The following CYP4V2 variants were observed in gnomAD, a reference collection of about 807,000 sequenced individuals.
CYP4V2 encodes cytochrome P450 family 4 subfamily V member 2.
A neutral mutation model predicts 60.8 loss-of-function variants in CYP4V2; 55 were observed. The ratio of observed to expected loss-of-function variants is 0.90; its 90% CI spans 0.73 to 1.13. The LOEUF (loss-of-function observed/expected upper bound fraction) is 1.13, where lower values mean the gene tolerates loss of function less well. CYP4V2 is among the 50% of genes most tolerant of loss of function. CYP4V2 has a pLI of 0.00. For missense variants in CYP4V2, 675 were observed against 662.9 expected (o/e 1.02, Z -0.20); for synonymous variants, 239 against 236.8 (o/e 1.01, Z -0.08).
chr4:186,196,379 A>G (rs1736147203), intron 3 of CYP4V2: 1 of 447,190 alleles, frequency 2.2e-6, no homozygotes, highest in Non-Finnish European at 4.1e-6. Context: ...GATGGAGGAC[A>G]CAGTAAAGCA....
Position 186,191,767 on chromosome 4 carries a change from A to G in CYP4V2, c.-57A>G. On this transcript the variant is annotated 5_prime_UTR_variant, in exon 1 of 11. Transcript: ENST00000378802. ...TGTGCGGCCGGCACCGCCTCGCACC[A>G]CGCCCCCGCGGGCCCGCACTTTCCC... 7.2e-7 allele frequency: 1 copy of G among 1,393,140 alleles called. No homozygotes were observed. The allele number at this position is 1,393,140 out of a possible 1,614,324, so 86.3% of individuals were successfully genotyped here.
rs1736706360 is a variant in CYP4V2, at chr4:186,211,129, A to AG, written c.*488_*489insG. 6.3e-6 allele frequency: 1 copy of AG among 158,390 alleles called. No individual in the cohort carries two copies. The highest frequency in any genetic ancestry group is 2.4e-5 in the African/African-American group (1 of 41,438). The allele number at this position is 158,390 out of a possible 1,614,324, so 9.8% of individuals were successfully genotyped here. ...GCTGGGATTATAGTCGTGAGCCACCACGCCTGGCCAGAGTTTTTTATTTTT... is the reference window on the plus strand; with the variant it reads ...GCTGGGATTATAGTCGTGAGCCACCAGCGCCTGGCCAGAGTTTTTTATTTTT... On this transcript the variant is annotated 3_prime_UTR_variant, in exon 11 of 11. Coordinates refer to ENST00000378802, the MANE Select transcript of CYP4V2 (RefSeq NM_207352.4).
chr4:186,209,693 C>T (rs1579977484), intron 10 of CYP4V2, among the ~76,000 whole-genome samples: 2 of 152,272 alleles, frequency 1.3e-5, no homozygotes, highest in Middle Eastern at 6.8e-3. Context: ...AGTCAGACTA[C>T]ACTAGGGCCT....
In CYP4V2 at chr4:186,197,603, G is replaced by A. The variant is rs1420000727; in HGVS notation, c.674+1G>A. On this transcript the variant is annotated splice_donor_variant, in intron 5 of 10. Coordinates refer to ENST00000378802, the MANE Select transcript of CYP4V2 (RefSeq NM_207352.4). LOFTEE classifies it high-confidence loss of function. ...CCGAGTATGTCCGTGCAGTTTATAG[G>A]TAAATGGAGTCCTTTCAGTTATTTT... is the stretch of plus-strand genomic sequence containing the variant. The A allele has an allele frequency of 1.2e-6, 2 of 1,613,898 alleles. No homozygotes were observed. Among genetic ancestry groups the A allele is most frequent in the East Asian group, 4.5e-5 (2 of 44,884 alleles).
rs1197806318 is a variant in CYP4V2, at chr4:186,191,659, C to A, written c.-165C>A. ...AGCCCCGTGGCGCCCTCTCTGGCCG[C>A]CGCCCGGGCGGGAAACGTCGTTCCG... On this transcript the variant is annotated 5_prime_UTR_variant, in exon 1 of 11. Transcript: ENST00000378802. 24 of 581,220 alleles carry A rather than the reference C, an allele frequency of 4.1e-5. No individual in the cohort carries two copies. The allele number at this position is 581,220 out of a possible 1,614,324, so 36.0% of individuals were successfully genotyped here. A position where few individuals can be genotyped will look rare whatever the true frequency, so the allele number is the denominator to read the frequency against.
Position 186,205,397 on chromosome 4 carries a change from CCCCCACGGGATCCTTT to C in CYP4V2, c.1090+98_1090+113del. Reference sequence around the variant, plus strand: ...ACACAGTGTAATGAGCAGGAAGGCTCCCCCACGGGATCCTTTCCAGTACCATCCCCTTTGCAAGGCC... The same window carrying C: ...ACACAGTGTAATGAGCAGGAAGGCTCCCAGTACCATCCCCTTTGCAAGGCC... On this transcript the variant is annotated intron_variant, in intron 8 of 10. Transcript: ENST00000378802. 8.7e-6 allele frequency: 4 copies of C among 458,356 alleles called. No individual in the cohort carries two copies. In the South Asian group the frequency reaches 2.4e-4, roughly 27 times the overall value. The allele number at this position is 458,356 out of a possible 1,614,324, so 28.4% of individuals were successfully genotyped here.
At chr4:186,196,709 T>G in intron 3 of CYP4V2, 2 of 529,894 alleles carry the variant, frequency 3.8e-6, no homozygotes, top group African/African-American at 1.9e-5. Flanking sequence ...TAAACATGTA[T>G]AGAACAATGT....
rs1419119001 is a variant in CYP4V2, at chr4:186,191,820, G to C, written c.-4G>C. The stretch of plus-strand genomic sequence containing the variant: ...AGTGCACCCCGCGGCCGCCAGCCGG[G>C]GCGATGGCGGGGCTCTGGCTGGGGC... On this transcript the variant is annotated 5_prime_UTR_variant, in exon 1 of 11. Transcript: ENST00000378802. 1.3e-6 allele frequency: 2 copies of C among 1,552,650 alleles called. No homozygotes were observed. Among genetic ancestry groups the C allele is most frequent in the South Asian group, 2.4e-5 (2 of 84,940 alleles).
intron 8 of CYP4V2, among the ~76,000 whole-genome samples, chr4:186,208,119 C>G (rs1305406431): frequency 6.6e-6 from 1 of 151,340 alleles, no homozygotes; most frequent in Non-Finnish European, 1.5e-5. Flanking sequence ...ACGTGTTCTT[C>G]TTTGAAGGGT....
chr4:186,192,538 T>C (rs542030740), intron 1 of CYP4V2, among the ~76,000 whole-genome samples: 57 of 152,314 alleles, frequency 3.7e-4, no homozygotes, highest in African/African-American at 1.3e-3. Context: ...CTTCATACTT[T>C]AGCCCTTTAA....
At chr4:186,197,303 G>A (rs1247612756) in intron 4 of CYP4V2, 173 bp downstream of exon 4, 11 of 909,382 alleles carry the variant, frequency 1.2e-5, no homozygotes, top group Non-Finnish European at 1.7e-5. Flanking sequence ...GCCCAGGGCT[G>A]TGAGTGGGGC....
At position 186,213,113 on chromosome 4, in the gene CYP4V2, A is replaced by G. The variant is rs922811502; in HGVS notation, c.*2472A>G. On this transcript the variant is annotated 3_prime_UTR_variant, in exon 11 of 11. Coordinates refer to ENST00000378802, the MANE Select transcript of CYP4V2 (RefSeq NM_207352.4). ...TTAAAGTAAAACATTGTTTAATGTT[A>G]CCTTTTGGCTTGAGAATGTCTTTCA... The G allele has an allele frequency of 1.3e-5, 2 of 152,156 alleles. No individual in the cohort carries two copies. The highest frequency in any genetic ancestry group is 2.9e-5 in the Non-Finnish European group (2 of 68,036). The allele number at this position is 152,156 out of a possible 1,614,324, so 9.4% of individuals were successfully genotyped here.
rs149432349 is a variant in CYP4V2, at chr4:186,212,168, A to G, written c.*1527A>G. The G allele has an allele frequency of 1.4e-4, 21 of 152,322 alleles. No individual in the cohort carries two copies. The highest frequency in any genetic ancestry group is 5.1e-4 in the African/African-American group (21 of 41,570). The allele number at this position is 152,322 out of a possible 1,614,324, so 9.4% of individuals were successfully genotyped here. A position where few individuals can be genotyped will look rare whatever the true frequency, so the allele number is the denominator to read the frequency against. ...TATACCCTTAAATCTCTCCACTCAC[A>G]TGCTGATATACTTTCTACTACAATA... On this transcript the variant is annotated 3_prime_UTR_variant, in exon 11 of 11. Transcript: ENST00000378802.
At chr4:186,197,710 A>T in intron 5 of CYP4V2, 108 bp downstream of exon 5, 1 of 1,185,258 alleles carries the variant, frequency 8.4e-7, no homozygotes, top group Admixed American at 1.9e-5. Flanking sequence ...AAAATTAAAC[A>T]TTAAACTAGA....
At chr4:186,205,026 C>CAG (rs1333593596) in intron 7 of CYP4V2, 174 bp from the exon 8 acceptor site, 1 of 689,710 alleles carries the variant, frequency 1.4e-6, no homozygotes, top group African/African-American at 1.8e-5. Flanking sequence ...CTCCGCTTTG[C>CAG]AGGCTTGTTT....
In CYP4V2 at chr4:186,210,843, T is replaced by A. The variant is rs1051753464; in HGVS notation, c.*202T>A. 2.0e-5 allele frequency: 13 copies of A among 639,574 alleles called. No homozygotes were observed. Among genetic ancestry groups the A allele is most frequent in the African/African-American group, 1.5e-4 (8 of 54,246 alleles). The allele number at this position is 639,574 out of a possible 1,614,324, so 39.6% of individuals were successfully genotyped here. On this transcript the variant is annotated 3_prime_UTR_variant, in exon 11 of 11. Transcript: ENST00000378802. Reference sequence around the variant, plus strand: ...TTTCTTTTTTCTTTTTTCTTTATTTTTTTTTTTTGAAACCGTGTCTCACTC... The same window carrying A: ...TTTCTTTTTTCTTTTTTCTTTATTTATTTTTTTTGAAACCGTGTCTCACTC...
In CYP4V2 at chr4:186,194,367, C is replaced by T. The variant is rs576168140; in HGVS notation, c.215-133C>T. On this transcript the variant is annotated intron_variant, in intron 1 of 10. Transcript: ENST00000378802. ...ATTACAGGCAGTTCACACATGCTCT[C>T]TACCTGGCTTCCTCTAACAGTAACA... The T allele has an allele frequency of 4.3e-4, 333 of 777,724 alleles. 2 individuals carry two copies. The highest frequency in any genetic ancestry group is 3.9e-3 in the African/African-American group (230 of 58,654). 48.2% of individuals were successfully genotyped at this position (777,724 alleles called of 1,614,324 possible).
At chr4:186,202,130 G>A (rs1736322040) in intron 7 of CYP4V2, 1 of 152,252 alleles carries the variant, frequency 6.6e-6, no homozygotes, top group Non-Finnish European at 1.5e-5. Flanking sequence ...TTCGATCCGA[G>A]TTCCAGTTCA....
rs1205937616 is a variant in CYP4V2, at chr4:186,195,251, G to A, written c.327+639G>A. On this transcript the variant is annotated intron_variant, in intron 2 of 10. Transcript: ENST00000378802. This position sits in a 1 kb window ranked among gnomAD's most constrained non-coding sequence, Gnocchi z 4.1. ...TTCCTAGGAAGTAGTGCCAGGACAT[G>A]TCTTTCTAATTATGGTGAAAATGTT... Among the ~76,000 whole-genome samples, 1 of 152,214 alleles carries A rather than the reference G, an allele frequency of 6.6e-6. No individual in the cohort carries two copies. The highest frequency in any genetic ancestry group is 1.9e-4 in the East Asian group (1 of 5,196).
Sources: allele counts gnomAD v4.1 joint callset (sites outside exome capture counted in the v4.1 genomes callset), GRCh38; gene constraint gnomAD v4.1.1; non-coding constraint Gnocchi (gnomAD v3.1); transcripts MANE v1.5; gene names NCBI Gene and HGNC (gene_info 2026-07-23, HGNC 2026-07-21).